FBXO17: variants seen among roughly 807,000 people sequenced by gnomAD.
The protein encoded by FBXO17 is F-box protein 17.
In FBXO17, 43 loss-of-function variants were observed where a neutral mutation model predicts 34.1. That is an observed-to-expected ratio of 1.26 (90% CI 0.99 to 1.62). The LOEUF (loss-of-function observed/expected upper bound fraction) is 1.62. Ranked by LOEUF, FBXO17 falls within the 40% of genes most tolerant of loss-of-function variation. FBXO17 has a pLI of 0.00. For synonymous variants in FBXO17, 169 were observed against 166.0 expected, an observed-to-expected ratio of 1.02 and a Z score of -0.14; for missense variants, 424 against 386.7, an observed-to-expected ratio of 1.10 and a Z score of -0.81.
chr19:38,950,325 G>C lies in FBXO17; in HGVS notation c.-6C>G. The C allele has an allele frequency of 7.0e-7, 1 of 1,424,466 alleles. No homozygotes were observed. 88.2% of individuals were successfully genotyped at this position (1,424,466 alleles called of 1,614,324 possible). On this transcript the variant is annotated 5_prime_UTR_variant, in exon 2 of 6. Coordinates refer to ENST00000292852, the MANE Select transcript of FBXO17 (RefSeq NM_024907.7). ...CGCGATAGCCGGGCGCCCATCTCCA[G>C]TAGCCAGAGTCCTGCAGGTCGAGAG...
chr19:38,955,484 C>CTT lies in FBXO17; in HGVS notation c.-17-5150_-17-5149dup, dbSNP rs1223708955. On this transcript the variant is annotated intron_variant, in intron 1 of 5. Transcript: ENST00000292852. Reference sequence around the variant, plus strand: ...TCTTTCTAAAACATTTTCTTTCTTTCTTTTTTTTTTTTTTTTTGAGACAGA... The same window carrying CTT: ...TCTTTCTAAAACATTTTCTTTCTTTCTTTTTTTTTTTTTTTTTTTGAGACAGA... Among the ~76,000 whole-genome samples the CTT allele has an allele frequency of 1.8e-3, 244 of 133,710 alleles. 6 individuals carry two copies. The East Asian group carries it at 0.019, about 10-fold the overall frequency. The allele number at this position is 133,710 out of a possible 152,430, so 87.7% of individuals were successfully genotyped here. A position where few individuals can be genotyped will look rare whatever the true frequency, so the allele number is the denominator to read the frequency against.
At chr19:38,959,443 T>A (rs900604901) in intron 1 of FBXO17, among the ~76,000 whole-genome samples, 1 of 147,560 alleles carries the variant, frequency 6.8e-6, no homozygotes, top group Middle Eastern at 3.4e-3. Flanking sequence ...CATGCCTAGC[T>A]AATTTTTGTA....
In FBXO17 at chr19:38,949,976, C is replaced by G. The variant is rs757369041; in HGVS notation, c.344G>C (p.Gly115Ala). ...FGRNLIFNSC[G>A]EQGFRGWEVE... ...GCCCCGCCCCCGTCACCCACGCTCT[C>G]CGCAGGAGTTGAAGATGAGATTGCG... The change falls in exon 2 of 6, where the codon GGA becomes GCA. Residue 115 changes from glycine to alanine, a missense_variant. By Grantham distance (60) the Gly-to-Ala change is moderately conservative. Transcript: ENST00000292852. 31 of 1,542,082 alleles carry G rather than the reference C, an allele frequency of 2.0e-5. No individual in the cohort carries two copies. The highest frequency in any genetic ancestry group is 2.4e-5 in the Non-Finnish European group (28 of 1,145,810).
intron 1 of FBXO17, among the ~76,000 whole-genome samples, chr19:38,966,450 A>G (rs1975323568): frequency 6.6e-6 from 1 of 151,990 alleles, no homozygotes; most frequent in Admixed American, 6.6e-5. Context: ...AACATTCTTA[A>G]TTATTTCTGA....
chr19:38,969,800 G>A (rs962430467), intron 1 of FBXO17, among the ~76,000 whole-genome samples: 13 of 151,904 alleles, frequency 8.6e-5, no homozygotes, highest in Non-Finnish European at 1.2e-4. Context: ...GTTTCACCAC[G>A]TTGGCCAGGC....
chr19:38,942,600 T>C lies in FBXO17; in HGVS notation c.*8A>G, dbSNP rs1370038187. On this transcript the variant is annotated 3_prime_UTR_variant, in exon 6 of 6. Coordinates refer to ENST00000292852, the MANE Select transcript of FBXO17 (RefSeq NM_024907.7). The stretch of plus-strand genomic sequence containing the variant: ...CTTGACTGACAACGTCAGGCAGTAG[T>C]CCAGTCGCTAGGACAGACGGATCCT... 4.5e-6 allele frequency: 7 copies of C among 1,549,668 alleles called. No homozygotes were observed. Among genetic ancestry groups the C allele is most frequent in the Non-Finnish European group, 6.1e-6 (7 of 1,154,134 alleles).
intron 1 of FBXO17, among the ~76,000 whole-genome samples, chr19:38,968,847 T>A (rs2044803695): frequency 6.6e-6 from 1 of 152,100 alleles, no homozygotes; most frequent in African/African-American, 2.4e-5. Context: ...AAAAGACAAA[T>A]CTTTTTGATC....
intron 1 of FBXO17, among the ~76,000 whole-genome samples, chr19:38,968,626 G>C (rs529410078): frequency 6.6e-6 from 1 of 152,066 alleles, no homozygotes; most frequent in Non-Finnish European, 1.5e-5. Flanking sequence ...AATGTTCATA[G>C]CAGCTTTATA....
intron 1 of FBXO17, among the ~76,000 whole-genome samples, chr19:38,951,182 G>A (rs962885897): frequency 1.3e-5 from 2 of 152,048 alleles, no homozygotes; most frequent in African/African-American, 4.8e-5. Flanking sequence ...TCAGATGTCT[G>A]CAGTGGTCAC....
chr19:38,946,690 T>A, intron 3 of FBXO17, 123 bp from the exon 4 acceptor site: 5 of 1,397,648 alleles, frequency 3.6e-6, no homozygotes, highest in Non-Finnish European at 4.8e-6. Context: ...CAGGGTTTGC[T>A]CTAGCAGACC....
At chr19:38,954,951 G>T (rs1356359934) in intron 1 of FBXO17, among the ~76,000 whole-genome samples, 1 of 139,616 alleles carries the variant, frequency 7.2e-6, no homozygotes, top group Non-Finnish European at 1.5e-5. Context: ...TTATTTTTGA[G>T]ACGGAGTCTT....
At chr19:38,947,798 A>G (rs957155962) in intron 3 of FBXO17, among the ~76,000 whole-genome samples, 6 of 151,602 alleles carry the variant, frequency 4.0e-5, no homozygotes, top group African/African-American at 1.5e-4. Flanking sequence ...TCCTGGGCTC[A>G]AGAGATCCTC....
rs373841779 is a variant in FBXO17 at position 38,945,122 on chromosome 19, G to T, written c.558-18C>A. On this transcript the variant is annotated intron_variant, in intron 4 of 5. Transcript: ENST00000292852. ...CGCCCCACCTGCCAGGCAGCAGTCA[G>T]CCTCTATGCCCCCGTCACCCAGCCA... is the stretch of plus-strand genomic sequence containing the variant. 72 of 1,613,360 alleles carry T rather than the reference G, an allele frequency of 4.5e-5. No individual in the cohort carries two copies. Among genetic ancestry groups the T allele is most frequent in the East Asian group, 2.2e-4 (10 of 44,898 alleles).
intron 1 of FBXO17, among the ~76,000 whole-genome samples, chr19:38,958,987 C>A (rs1273301129): frequency 2.0e-5 from 3 of 152,088 alleles, no homozygotes; most frequent in Non-Finnish European, 2.9e-5. Context: ...ACTGAAGCCT[C>A]GAACTCCTGG....
chr19:38,975,454 G>A lies in FBXO17; in HGVS notation c.-18+132C>T, dbSNP rs1182714095. 2 of 152,268 alleles carry A rather than the reference G, an allele frequency of 1.3e-5. No individual in the cohort carries two copies. The highest frequency in any genetic ancestry group is 4.8e-5 in the African/African-American group (2 of 41,476). The allele number at this position is 152,268 out of a possible 1,614,324, so 9.4% of individuals were successfully genotyped here. ...CCGGGAAAGCGACGCTGCGGGTTAT[G>A]GGACTCCCAGGGACCCGCCCCTCCG... On this transcript the variant is annotated intron_variant, in intron 1 of 5. Coordinates refer to ENST00000292852, the MANE Select transcript of FBXO17 (RefSeq NM_024907.7). This position sits in a 1 kb window ranked among gnomAD's most constrained non-coding sequence, Gnocchi z 4.9.
intron 3 of FBXO17, 94 bp downstream of exon 3, chr19:38,948,473 G>T: frequency 1.2e-6 from 1 of 851,776 alleles, no homozygotes; most frequent in Non-Finnish European, 1.9e-6. Context: ...GGAAGGAGAG[G>T]GTGAAGGTGA....
chr19:38,972,793 CTT>C (rs1422430036), intron 1 of FBXO17, among the ~76,000 whole-genome samples: 2 of 152,060 alleles, frequency 1.3e-5, no homozygotes, highest in African/African-American at 2.4e-5. Flanking sequence ...GAGTTTTGCT[CTT>C]GTCGCCCAGG....
intron 1 of FBXO17, among the ~76,000 whole-genome samples, chr19:38,970,756 A>C (rs1251886539): frequency 6.6e-6 from 1 of 152,102 alleles, no homozygotes; most frequent in Admixed American, 6.6e-5. Context: ...CCTCAGCCCT[A>C]CTAGGGGACT....
At chr19:38,957,840 G>A (rs932974905) in intron 1 of FBXO17, among the ~76,000 whole-genome samples, 2 of 152,188 alleles carry the variant, frequency 1.3e-5, no homozygotes, top group African/African-American at 2.4e-5. Context: ...GGTGGCTTAC[G>A]CCTGTAATTC....
Sources: allele counts gnomAD v4.1 joint callset (sites outside exome capture counted in the v4.1 genomes callset), GRCh38; gene constraint gnomAD v4.1.1; non-coding constraint Gnocchi (gnomAD v3.1); transcripts MANE v1.5; gene names NCBI Gene and HGNC (gene_info 2026-07-23, HGNC 2026-07-21).